ADAMTS3: variants seen among roughly 807,000 people sequenced by gnomAD.
The protein encoded by ADAMTS3 is ADAM metallopeptidase with thrombospondin type 1 motif 3, also known as A disintegrin and metalloproteinase with thrombospondin motifs 3.
In ADAMTS3, 73 loss-of-function variants were observed where a neutral mutation model predicts 129.0. That is an observed-to-expected ratio of 0.57 (90% CI 0.47 to 0.69). The LOEUF (loss-of-function observed/expected upper bound fraction) is 0.69, where lower values mean the gene tolerates loss of function less well. Among genes scored for constraint, ADAMTS3 ranks in the 30% least tolerant of loss-of-function variants. The probability of loss-of-function intolerance (pLI) is 0.00; values close to 1 mark genes in which losing one functional copy is unlikely to be tolerated. For synonymous variants in ADAMTS3, 477 were observed against 510.8 expected (o/e 0.93, Z 0.89); for missense variants, 1,457 against 1,514.5 (o/e 0.96, Z 0.63).
At chr4:72,391,742 G>A (rs1443001177) in intron 4 of ADAMTS3, among the ~76,000 whole-genome samples, 1 of 151,804 alleles carries the variant, frequency 6.6e-6, no homozygotes, top group Non-Finnish European at 1.5e-5. Context: ...GTTCAATAGT[G>A]AAGGTTAAAA....
At chr4:72,320,985 A>G in intron 6 of ADAMTS3, 115 bp from the exon 7 acceptor site, 1 of 1,080,168 alleles carries the variant, frequency 9.3e-7, no homozygotes, top group Non-Finnish European at 1.3e-6. Context: ...ATTCAATAAT[A>G]TTTGGGGCTT....
intron 5 of ADAMTS3, among the ~76,000 whole-genome samples, chr4:72,338,849 A>G: frequency 7.1e-6 from 1 of 140,916 alleles, no homozygotes; most frequent in Admixed American, 6.8e-5. Flanking sequence ...TTAAAAAGAA[A>G]GAACACAAGT....
chr4:72,390,075 T>G (rs1377322087), intron 4 of ADAMTS3, among the ~76,000 whole-genome samples: 1 of 152,154 alleles, frequency 6.6e-6, no homozygotes, highest in Non-Finnish European at 1.5e-5. Context: ...AAAATCTATT[T>G]CTAGTTTCCA....
intron 4 of ADAMTS3, among the ~76,000 whole-genome samples, chr4:72,412,318 T>C (rs908956492): frequency 1.3e-5 from 2 of 152,096 alleles, no homozygotes; most frequent in African/African-American, 4.8e-5. Context: ...CACTATTTTA[T>C]ATAGTGCTTT....
Position 72,548,572 on chromosome 4 carries a change from C to G in ADAMTS3, c.410G>C (p.Arg137Pro). ...HQPGSATYRI[R>P]RTEPLQTNCA... ...GTTAGTCTGCAAAGGCTCTGTTCTC[C>G]GGATTCTATACGTAGCACTTCCTGG... is the stretch of plus-strand genomic sequence containing the variant. Residue 137 changes from arginine to proline, a missense_variant, in exon 3 of 22, where the codon CGG (arginine) becomes CCG (proline). Physicochemically the swap from Arg to Pro is moderately radical, Grantham distance 103. Transcript: ENST00000286657. 1 of 1,613,914 alleles carries G rather than the reference C, an allele frequency of 6.2e-7. No individual in the cohort carries two copies. The highest frequency in any genetic ancestry group is 8.5e-7 in the Non-Finnish European group (1 of 1,179,892).
intron 4 of ADAMTS3, among the ~76,000 whole-genome samples, chr4:72,344,825 A>T (rs556248801): frequency 6.6e-6 from 1 of 152,114 alleles, no homozygotes; most frequent in African/African-American, 2.4e-5. Flanking sequence ...AAGGAGTGTG[A>T]CTCCCCAGTG....
chr4:72,309,638 A>C (rs1578569963), intron 14 of ADAMTS3, 118 bp from the exon 15 acceptor site: 3 of 1,098,696 alleles, frequency 2.7e-6, no homozygotes. Flanking sequence ...TTTATAGCAA[A>C]CTGCCACTGT....
chr4:72,552,175 T>C (rs765748574), intron 2 of ADAMTS3, among the ~76,000 whole-genome samples: 1 of 152,186 alleles, frequency 6.6e-6, no homozygotes, highest in Non-Finnish European at 1.5e-5. Flanking sequence ...CCTATGGTTA[T>C]TGAATGAACT....
rs561215798 is a variant in ADAMTS3, at chr4:72,288,115, C to T, written c.3049+636G>A. 1.4e-3 allele frequency among the ~76,000 whole-genome samples: 214 copies of T among 152,328 alleles called. 1 individual carries two copies. Among genetic ancestry groups the T allele is most frequent in the African/African-American group, 5.0e-3 (206 of 41,580 alleles). ...TCCTGACCTCAGGTGATTCACCCACCTTGGCCTCCCAAAGTGCTGGGATTA... is the reference window on the plus strand; with the variant it reads ...TCCTGACCTCAGGTGATTCACCCACTTTGGCCTCCCAAAGTGCTGGGATTA... On this transcript the variant is annotated intron_variant, in intron 21 of 21. Coordinates refer to ENST00000286657, the MANE Select transcript of ADAMTS3 (RefSeq NM_014243.3).
chr4:72,282,981 A>T lies in ADAMTS3; in HGVS notation c.*155T>A. On this transcript the variant is annotated 3_prime_UTR_variant, in exon 22 of 22. Transcript: ENST00000286657. Reference sequence around the variant, plus strand: ...GCAGAACAAAAGGAGGATGAAAGCAACTAGAAAGTGAGCCAGCACTTTCTG... The same window carrying T: ...GCAGAACAAAAGGAGGATGAAAGCATCTAGAAAGTGAGCCAGCACTTTCTG... 1 of 614,082 alleles carries T rather than the reference A, an allele frequency of 1.6e-6. No homozygotes were observed. The highest frequency in any genetic ancestry group is 2.8e-6 in the Non-Finnish European group (1 of 360,138). 38.0% of individuals were successfully genotyped at this position (614,082 alleles called of 1,614,324 possible).
intron 3 of ADAMTS3, among the ~76,000 whole-genome samples, chr4:72,542,560 T>C (rs761679902): frequency 2.6e-5 from 4 of 152,252 alleles, no homozygotes; most frequent in Non-Finnish European, 5.9e-5. Flanking sequence ...CTGTATACCA[T>C]TCTGGACCAG....
At chr4:72,550,081 GGAAGAAGAAGAA>G (rs1182642409) in intron 2 of ADAMTS3, among the ~76,000 whole-genome samples, 1 of 26,054 alleles carries the variant, frequency 3.8e-5, no homozygotes, top group Admixed American at 2.4e-4. Context: ...AAGAGGAAGA[GGAAGAAGAAGAA>G]GAAGAAGAAG....
chr4:72,531,629 T>G (rs763314580), intron 3 of ADAMTS3, among the ~76,000 whole-genome samples: 2 of 152,148 alleles, frequency 1.3e-5, no homozygotes, highest in Non-Finnish European at 2.9e-5. Flanking sequence ...GCAGGACAAC[T>G]GAAGATCTTA....
chr4:72,319,202 T>A (rs1719485520), intron 9 of ADAMTS3, 130 bp downstream of exon 9: 2 of 1,130,016 alleles, frequency 1.8e-6, no homozygotes, highest in Non-Finnish European at 2.5e-6. Context: ...ATGTTCTAAG[T>A]CATAAGAAAA....
chr4:72,366,774 CTT>C (rs1220915576), intron 4 of ADAMTS3, among the ~76,000 whole-genome samples: 2 of 139,202 alleles, frequency 1.4e-5, no homozygotes, highest in Admixed American at 7.2e-5. Flanking sequence ...GTGTCCCAAG[CTT>C]TTTTTTTTTT....
chr4:72,354,703 A>G (rs1230643919), intron 4 of ADAMTS3, among the ~76,000 whole-genome samples: 1 of 152,014 alleles, frequency 6.6e-6, no homozygotes, highest in Non-Finnish European at 1.5e-5. Context: ...GCTTATCTCA[A>G]CATAATATAT....
Position 72,282,954 on chromosome 4 carries a change from A to G in ADAMTS3, c.*182T>C. On this transcript the variant is annotated 3_prime_UTR_variant, in exon 22 of 22. Coordinates refer to ENST00000286657, the MANE Select transcript of ADAMTS3 (RefSeq NM_014243.3). ...CCAATGAATTCTGGTAAATGAGTCA[A>G]TGCAGAACAAAAGGAGGATGAAAGC... 1.9e-6 allele frequency: 1 copy of G among 537,072 alleles called. No homozygotes were observed. Among genetic ancestry groups the G allele is most frequent in the East Asian group, 3.0e-5 (1 of 33,180 alleles). 33.3% of individuals were successfully genotyped at this position (537,072 alleles called of 1,614,324 possible). A position where few individuals can be genotyped will look rare whatever the true frequency, so the allele number is the denominator to read the frequency against.
intron 18 of ADAMTS3, among the ~76,000 whole-genome samples, chr4:72,296,729 C>T (rs1210550454): frequency 5.3e-5 from 8 of 151,936 alleles, no homozygotes; most frequent in African/African-American, 1.7e-4. Flanking sequence ...AAAATCAGGA[C>T]ATTTAACATA....
At chr4:72,513,201 T>C in intron 3 of ADAMTS3, among the ~76,000 whole-genome samples, 1 of 152,304 alleles carries the variant, frequency 6.6e-6, no homozygotes, top group African/African-American at 2.4e-5. Flanking sequence ...TAGATAAAAT[T>C]TATGTTTTCT....
Sources: allele counts gnomAD v4.1 joint callset (sites outside exome capture counted in the v4.1 genomes callset), GRCh38; gene constraint gnomAD v4.1.1; transcripts MANE v1.5; gene names NCBI Gene and HGNC (gene_info 2026-07-23, HGNC 2026-07-21).